Variants in PAQR3 observed in about 807,000 individuals in gnomAD.
PAQR3 encodes progestin and adipoQ receptor family member 3, also known as Raf kinase trapping to Golgi.
PAQR3 carries 39 observed loss-of-function variants against 41.7 expected under a neutral mutation model. The ratio of observed to expected loss-of-function variants is 0.93; its 90% CI spans 0.72 to 1.22. The LOEUF (loss-of-function observed/expected upper bound fraction) is 1.22. PAQR3 is among the 50% of genes most tolerant of loss of function. PAQR3 has a pLI of 0.00. For missense variants in PAQR3, 366 were observed against 385.6 expected (o/e 0.95, Z 0.42); for synonymous variants, 140 against 140.6 (o/e 1.00, Z 0.03).
chr4:78,927,604 A>C (rs1692220924), intron 3 of PAQR3, among the ~76,000 whole-genome samples: 1 of 152,282 alleles, frequency 6.6e-6, no homozygotes, highest in South Asian at 2.1e-4. Context: ...TTTTGGCCTG[A>C]AAGGCCACAT....
intron 2 of PAQR3, among the ~76,000 whole-genome samples, chr4:78,933,698 C>A (rs62308042): frequency 6.6e-6 from 1 of 152,196 alleles, no homozygotes; most frequent in Admixed American, 6.5e-5. Flanking sequence ...TAATCCTGGG[C>A]AAGTCACTGT....
At chr4:78,890,475 A>C (rs1282370367) in intron 11 of PAQR3, among the ~76,000 whole-genome samples, 1 of 151,934 alleles carries the variant, frequency 6.6e-6, no homozygotes, top group Non-Finnish European at 1.5e-5. Flanking sequence ...TTTTTGGTTG[A>C]TTCAGTGTTC....
intron 3 of PAQR3, 110 bp downstream of exon 3, chr4:78,930,060 A>C (rs1365559778): frequency 3.8e-6 from 4 of 1,053,360 alleles, no homozygotes. Context: ...AGACTCTTCT[A>C]TTTAGTCTAT....
chr4:78,933,354 C>A (rs1453074768), intron 2 of PAQR3: 2 of 439,094 alleles, frequency 4.6e-6, no homozygotes, highest in East Asian at 7.0e-5. Flanking sequence ...AGGTTCAAAG[C>A]CCCTCAATTA....
chr4:78,893,732 C>A (rs1293269599), intron 11 of PAQR3, among the ~76,000 whole-genome samples: 3 of 152,122 alleles, frequency 2.0e-5, no homozygotes, highest in Non-Finnish European at 4.4e-5. Flanking sequence ...CTGCGAAATT[C>A]TTTAAAGTTT....
Position 78,939,307 on chromosome 4 carries a change from C to T in PAQR3, c.-83G>A. On this transcript the variant is annotated 5_prime_UTR_variant, in exon 1 of 6. Transcript: ENST00000512733. The stretch of plus-strand genomic sequence containing the variant: ...GGGAGGGGGCTTCGCCGCTGGCGCC[C>T]CCGCCCCGGAGCCCGCGGACGCTGC... The T allele has an allele frequency of 7.5e-7, 1 of 1,339,730 alleles. No homozygotes were observed. Among genetic ancestry groups the T allele is most frequent in the Non-Finnish European group, 9.8e-7 (1 of 1,016,006 alleles). 83.0% of individuals were successfully genotyped at this position (1,339,730 alleles called of 1,614,324 possible). A position where few individuals can be genotyped will look rare whatever the true frequency, so the allele number is the denominator to read the frequency against.
exon 13 of PAQR3, chr4:78,887,261 C>A: frequency 6.2e-7 from 1 of 1,608,832 alleles, no homozygotes; most frequent in Non-Finnish European, 8.5e-7. Context: ...CCTTTTGGTT[C>A]TGTTCCTTTC....
intron 11 of PAQR3, among the ~76,000 whole-genome samples, chr4:78,900,589 C>G (rs566755257): frequency 3.8e-4 from 58 of 152,302 alleles, no homozygotes; most frequent in African/African-American, 1.4e-3. Context: ...TATTCACAGT[C>G]TGGTTCAGTC....
chr4:78,910,940 A>T, downstream of PAQR3: 1 of 1,613,806 alleles, frequency 6.2e-7, no homozygotes, highest in South Asian at 1.1e-5. Flanking sequence ...GAAGAAGAGG[A>T]GAAACATAGC....
intron 1 of PAQR3, among the ~76,000 whole-genome samples, chr4:78,936,717 T>G (rs1194699763): frequency 3.3e-5 from 5 of 152,224 alleles, no homozygotes; most frequent in Admixed American, 3.3e-4. Context: ...CAGGACTGTT[T>G]TGACAATCAG....
chr4:78,904,009 G>C (rs972668964), intron 11 of PAQR3, among the ~76,000 whole-genome samples: 12 of 151,918 alleles, frequency 7.9e-5, no homozygotes, highest in Non-Finnish European at 1.8e-4. Flanking sequence ...ATAAAAAGAT[G>C]TTGGACTAAA....
At chr4:78,911,355 A>T, downstream of PAQR3, 2 of 1,613,574 alleles carry the variant, frequency 1.2e-6, no homozygotes, top group Non-Finnish European at 1.7e-6. Flanking sequence ...GCTCCACTCC[A>T]TTTCAGCCCT....
intron 2 of PAQR3, among the ~76,000 whole-genome samples, chr4:78,933,657 TAGG>T (rs1330640255): frequency 3.9e-5 from 6 of 152,324 alleles, no homozygotes; most frequent in African/African-American, 1.4e-4. Flanking sequence ...CACTAGCAAG[TAGG>T]AGAACAGGAT....
downstream of PAQR3, chr4:78,911,435 C>T (rs370861712): frequency 1.2e-5 from 20 of 1,613,978 alleles, no homozygotes; most frequent in African/African-American, 2.0e-4. Context: ...GATGAAATAA[C>T]GGGGAGCCAG....
chr4:78,921,471 T>C (rs933053463), intron 5 of PAQR3: 1 of 158,186 alleles, frequency 6.3e-6, no homozygotes. Context: ...TTTTAAAGTG[T>C]ATATCAATAA....
At position 78,916,567 on chromosome 4, in the gene PAQR3, C is replaced by CTTA. The variant is rs1311152129; in HGVS notation, c.*3969_*3971dup. ...AATTTAGGTAAGAAAACCCATTTGA[C>CTTA]TTAAGAGTTTTTGCCACAAGAACAC... is the stretch of plus-strand genomic sequence containing the variant. On this transcript the variant is annotated 3_prime_UTR_variant, in exon 6 of 6. Transcript: ENST00000512733. 1 of 151,748 alleles carries CTTA rather than the reference C, an allele frequency of 6.6e-6. No homozygotes were observed. The highest frequency in any genetic ancestry group is 2.4e-5 in the African/African-American group (1 of 41,404). 9.4% of individuals were successfully genotyped at this position (151,748 alleles called of 1,614,324 possible).
At chr4:78,911,736 G>A (rs752726734), downstream of PAQR3, 5 of 1,613,964 alleles carry the variant, frequency 3.1e-6, 1 homozygote, top group Non-Finnish European at 8.5e-7. Flanking sequence ...AACCTGAGGA[G>A]AGCCTGTTGG....
chr4:78,887,112 T>C, downstream of PAQR3: 1 of 1,218,822 alleles, frequency 8.2e-7, no homozygotes, highest in Non-Finnish European at 1.2e-6. Flanking sequence ...ATATCACTTT[T>C]TAATTTAAAG....
Position 78,912,157 on chromosome 4 carries a change from G to C in PAQR3, c.*8382C>G. ...TTCTTAAAGATCAGTCAGAATAGGT[G>C]ATTTCTAAATAAACCAAATAGAAGA... On this transcript the variant is annotated 3_prime_UTR_variant, in exon 6 of 6. Transcript: ENST00000512733. 1.1e-6 allele frequency: 1 copy of C among 873,386 alleles called. No individual in the cohort carries two copies. Among genetic ancestry groups the C allele is most frequent in the South Asian group, 1.7e-5 (1 of 59,016 alleles). 54.1% of individuals were successfully genotyped at this position (873,386 alleles called of 1,614,324 possible).
Sources: allele counts gnomAD v4.1 joint callset (sites outside exome capture counted in the v4.1 genomes callset), GRCh38; gene constraint gnomAD v4.1.1; transcripts MANE v1.5; gene names NCBI Gene and HGNC (gene_info 2026-07-23, HGNC 2026-07-21).